Variants in AGBL4 observed in about 807,000 individuals in gnomAD.
AGBL4 encodes the protein cytosolic carboxypeptidase 6.
Under a neutral mutation model 66.4 loss-of-function variants are expected in AGBL4, and 58 were observed. That is an observed-to-expected ratio of 0.87 (90% CI 0.71 to 1.09). The LOEUF (loss-of-function observed/expected upper bound fraction) is 1.09, where lower values mean the gene tolerates loss of function less well. AGBL4 is among the 50% of genes least tolerant of loss of function. The pLI is 0.00. For synonymous variants in AGBL4, 234 were observed against 222.9 expected, an observed-to-expected ratio of 1.05 and a Z score of -0.44; for missense variants, 579 against 631.0, an observed-to-expected ratio of 0.92 and a Z score of 0.88.
chr1:49,842,056 C>A, intron 2 of AGBL4: 1 of 373,398 alleles, frequency 2.7e-6, no homozygotes, highest in African/African-American at 2.1e-5. Context: ...TTGTGCCCAG[C>A]CTCTACTCAT....
chr1:49,719,176 G>A (rs1306207712), intron 2 of AGBL4, among the ~76,000 whole-genome samples: 2 of 152,082 alleles, frequency 1.3e-5, no homozygotes, highest in Admixed American at 6.6e-5. Context: ...AGAGCCCCTG[G>A]AAATAAAGGA....
intron 5 of AGBL4, among the ~76,000 whole-genome samples, chr1:48,908,450 T>C (rs897755295): frequency 3.9e-5 from 6 of 152,236 alleles, no homozygotes; most frequent in Non-Finnish European, 1.5e-5. Context: ...AAATTCCCTA[T>C]AAGTGAGGTC....
At chr1:48,776,687 C>T (rs1457842509) in intron 6 of AGBL4, 1 of 1,513,486 alleles carries the variant, frequency 6.6e-7, no homozygotes, top group Non-Finnish European at 8.8e-7. Flanking sequence ...TCGGGCCCGG[C>T]GCCCAATTCC....
At chr1:49,678,599 T>C (rs1646626302) in intron 3 of AGBL4, among the ~76,000 whole-genome samples, 1 of 152,158 alleles carries the variant, frequency 6.6e-6, no homozygotes, top group Non-Finnish European at 1.5e-5. Context: ...TTTAGAACTA[T>C]ACATTGCCCT....
intron 3 of AGBL4, among the ~76,000 whole-genome samples, chr1:49,285,765 A>G (rs1339084776): frequency 2.0e-5 from 3 of 152,198 alleles, no homozygotes; most frequent in Non-Finnish European, 4.4e-5. Context: ...AAACTAGAAA[A>G]TCTAGAAGAA....
intron 6 of AGBL4, among the ~76,000 whole-genome samples, chr1:48,720,121 G>A (rs1647120637): frequency 6.6e-6 from 1 of 152,204 alleles, no homozygotes; most frequent in African/African-American, 2.4e-5. Context: ...AGAGGTCCAT[G>A]CCATCCATAC....
At chr1:49,389,326 C>T (rs1189872782) in intron 3 of AGBL4, among the ~76,000 whole-genome samples, 2 of 152,034 alleles carry the variant, frequency 1.3e-5, no homozygotes, top group Admixed American at 1.3e-4. Flanking sequence ...GGAAACAGAC[C>T]TTAAATCCAT....
chr1:49,927,544 T>C (rs770945150), intron 1 of AGBL4, among the ~76,000 whole-genome samples: 1 of 152,156 alleles, frequency 6.6e-6, no homozygotes, highest in South Asian at 2.1e-4. Context: ...ACCACCCGAA[T>C]GATCCAATTA....
intron 9 of AGBL4, among the ~76,000 whole-genome samples, chr1:48,624,283 G>A (rs1645462878): frequency 6.6e-6 from 1 of 152,170 alleles, no homozygotes; most frequent in Non-Finnish European, 1.5e-5. Flanking sequence ...TGAAAGTTGA[G>A]ACTGCAATGA....
intron 6 of AGBL4, among the ~76,000 whole-genome samples, chr1:48,663,471 A>C (rs1160518709): frequency 6.6e-6 from 1 of 152,208 alleles, no homozygotes; most frequent in Non-Finnish European, 1.5e-5. Flanking sequence ...ATATTATATT[A>C]ATATGTAGTA....
chr1:49,712,379 G>A (rs1208685180), intron 2 of AGBL4, among the ~76,000 whole-genome samples: 1 of 151,662 alleles, frequency 6.6e-6, no homozygotes, highest in Non-Finnish European at 1.5e-5. Context: ...CTTATATATG[G>A]AATCGTCTTT....
intron 6 of AGBL4, among the ~76,000 whole-genome samples, chr1:48,824,099 C>T (rs1183946458): frequency 6.6e-6 from 1 of 152,158 alleles, no homozygotes; most frequent in African/African-American, 2.4e-5. Context: ...TCCTCCCTCC[C>T]TTCTTTCTTC....
intron 5 of AGBL4, among the ~76,000 whole-genome samples, chr1:48,916,988 T>C (rs964097918): frequency 2.0e-5 from 3 of 152,208 alleles, no homozygotes; most frequent in Non-Finnish European, 4.4e-5. Context: ...TGTTTATATT[T>C]AAAATATGAA....
chr1:48,810,248 G>C (rs1173443700), intron 6 of AGBL4, among the ~76,000 whole-genome samples: 1 of 152,204 alleles, frequency 6.6e-6, no homozygotes, highest in Non-Finnish European at 1.5e-5. Context: ...AGAGAGTTGG[G>C]CACTGAGTAG....
intron 1 of AGBL4, among the ~76,000 whole-genome samples, chr1:49,947,673 A>T (rs1283297297): frequency 1.3e-5 from 2 of 151,610 alleles, no homozygotes; most frequent in African/African-American, 4.8e-5. Flanking sequence ...TCTTCAATAT[A>T]GTACTGGAAG....
intron 5 of AGBL4, among the ~76,000 whole-genome samples, chr1:48,915,670 C>A (rs967417308): frequency 2.6e-5 from 4 of 152,188 alleles, no homozygotes; most frequent in Admixed American, 2.0e-4. Context: ...AGGCTAATCC[C>A]AGATCTACTG....
At position 49,564,952 on chromosome 1, in the gene AGBL4, G is replaced by T. The variant is rs529894327; in HGVS notation, c.282+132361C>A. Reference sequence around the variant, plus strand: ...ATTGTGTGGGAGTCTAAGTCTCTTTGTAGGTCTCTAAGGACTTGCTTTATG... The same window carrying T: ...ATTGTGTGGGAGTCTAAGTCTCTTTTTAGGTCTCTAAGGACTTGCTTTATG... On this transcript the variant is annotated intron_variant, in intron 3 of 13. Coordinates refer to ENST00000371839, the MANE Select transcript of AGBL4 (RefSeq NM_032785.4). Among the ~76,000 whole-genome samples, 6 of 150,036 alleles carry T rather than the reference G, an allele frequency of 4.0e-5. No individual in the cohort carries two copies. In the East Asian group the frequency reaches 6.0e-4, roughly 15 times the overall value.
chr1:48,593,548 G>A (rs149089647), intron 9 of AGBL4, among the ~76,000 whole-genome samples: 38 of 151,966 alleles, frequency 2.5e-4, no homozygotes, highest in African/African-American at 7.7e-4. Context: ...TCAGGAGTTC[G>A]AGACCATCCT....
intron 3 of AGBL4, among the ~76,000 whole-genome samples, chr1:49,285,501 G>A (rs540947504): frequency 2.0e-5 from 3 of 152,004 alleles, no homozygotes; most frequent in South Asian, 2.1e-4. Flanking sequence ...GCTAGCAGAA[G>A]GCAAGAAATA....
Sources: allele counts gnomAD v4.1 joint callset (sites outside exome capture counted in the v4.1 genomes callset), GRCh38; gene constraint gnomAD v4.1.1; transcripts MANE v1.5; gene names NCBI Gene and HGNC (gene_info 2026-07-23, HGNC 2026-07-21).